Variants in LMBR1 observed in about 807,000 individuals in gnomAD.
The protein encoded by LMBR1 is limb development membrane protein 1, also known as limb region 1 protein homolog.
A neutral mutation model predicts 73.9 loss-of-function variants in LMBR1; 52 were observed. That is an observed-to-expected ratio of 0.70 (90% CI 0.56 to 0.89). LMBR1 has a LOEUF of 0.89. Among genes scored for constraint, LMBR1 ranks in the 40% least tolerant of loss-of-function variants. The pLI, the probability that LMBR1 is intolerant of heterozygous loss-of-function variation, is 0.00. For synonymous variants in LMBR1, 215 were observed against 209.4 expected, an observed-to-expected ratio of 1.03 and a Z score of -0.23; for missense variants, 539 against 579.8, an observed-to-expected ratio of 0.93 and a Z score of 0.72.
intron 15 of LMBR1, among the ~76,000 whole-genome samples, chr7:156,711,435 A>T (rs969199831): frequency 1.3e-5 from 2 of 152,196 alleles, no homozygotes; most frequent in African/African-American, 4.8e-5. Flanking sequence ...TACTGCAAAC[A>T]ATCTATAGAT....
chr7:156,745,156 T>C lies in LMBR1; in HGVS notation c.758-10899A>G, dbSNP rs73741520. ...TATTCTGACTACCACAAAGACTATT[T>C]CTTTTTTTGTTTGTCTATTAAGCTT... On this transcript the variant is annotated intron_variant, in intron 9 of 16. Transcript: ENST00000353442. Among the ~76,000 whole-genome samples, 152 of 152,356 alleles carry C rather than the reference T, an allele frequency of 1.0e-3. 1 individual carries two copies. The highest frequency in any genetic ancestry group is 3.6e-3 in the African/African-American group (148 of 41,584).
chr7:156,844,801 A>G (rs765873400), intron 1 of LMBR1, among the ~76,000 whole-genome samples: 2 of 152,182 alleles, frequency 1.3e-5, no homozygotes, highest in East Asian at 1.9e-4. Context: ...GCCCTGGAAG[A>G]AGGAGGCAGC....
In LMBR1 at chr7:156,680,403, A is replaced by AGAGAGAGAGAGTGTGTGTGTGTGT. The variant is rs1343950098; in HGVS notation, c.*3674_*3675insACACACACACACACTCTCTCTCTC. ...GAGAGAGAGAGAGAGAGAGAGAGAGAGTGTGTGTGTGTGTGTGTGTGTAAT... is the reference window on the plus strand; with the variant it reads ...GAGAGAGAGAGAGAGAGAGAGAGAGAGAGAGAGAGAGTGTGTGTGTGTGTGTGTGTGTGTGTGTGTGTGTGTAAT... On this transcript the variant is annotated 3_prime_UTR_variant, in exon 17 of 17. Transcript: ENST00000353442. The AGAGAGAGAGAGTGTGTGTGTGTGT allele has an allele frequency of 8.0e-6, 1 of 125,166 alleles. No individual in the cohort carries two copies. Among genetic ancestry groups the AGAGAGAGAGAGTGTGTGTGTGTGT allele is most frequent in the African/African-American group, 3.1e-5 (1 of 32,668 alleles). 7.8% of individuals were successfully genotyped at this position (125,166 alleles called of 1,614,324 possible). A position where few individuals can be genotyped will look rare whatever the true frequency, so the allele number is the denominator to read the frequency against.
intron 15 of LMBR1, among the ~76,000 whole-genome samples, chr7:156,688,606 C>T (rs1166605176): frequency 6.6e-6 from 1 of 152,032 alleles, no homozygotes; most frequent in African/African-American, 2.4e-5. Flanking sequence ...AACATCCTTA[C>T]ACCTCCTCTG....
At chr7:156,764,232 G>C (rs1168415233) in intron 5 of LMBR1, among the ~76,000 whole-genome samples, 1 of 152,160 alleles carries the variant, frequency 6.6e-6, no homozygotes, top group Admixed American at 6.6e-5. Context: ...ATGGACTCTG[G>C]TGCTCCTCAC....
chr7:156,736,415 C>T (rs1283297223), intron 9 of LMBR1: 1 of 420,304 alleles, frequency 2.4e-6, no homozygotes, highest in Non-Finnish European at 4.8e-6. Context: ...ACTTTCTATA[C>T]TACTTAAGTG....
intron 8 of LMBR1, 46 bp from the exon 9 acceptor site, chr7:156,756,511 G>A (rs993673946): frequency 1.2e-5 from 11 of 888,532 alleles, no homozygotes; most frequent in Admixed American, 8.4e-5. Context: ...GTTATAAAAC[G>A]AATGCTTATG....
At chr7:156,886,825 A>G (rs956943584) in intron 1 of LMBR1, among the ~76,000 whole-genome samples, 1 of 152,216 alleles carries the variant, frequency 6.6e-6, no homozygotes, top group African/African-American at 2.4e-5. Context: ...TTATTGCCAC[A>G]AAGAGTCTGT....
In LMBR1 at chr7:156,853,817, G is replaced by A. The variant is rs138197539; in HGVS notation, c.67-16932C>T. On this transcript the variant is annotated intron_variant, in intron 1 of 16. Transcript: ENST00000353442. ...ATTACAGGCACCTGCCACCACACCC[G>A]GCTAATTTTTGTATTTTTGGTAGAG... Among the ~76,000 whole-genome samples the A allele has an allele frequency of 3.8e-4, 57 of 151,920 alleles. No individual in the cohort carries two copies. The East Asian group carries it at 7.2e-3, about 19-fold the overall frequency.
chr7:156,675,614 T>C, downstream of LMBR1: 1 of 1,185,626 alleles, frequency 8.4e-7, no homozygotes, highest in Non-Finnish European at 1.2e-6. Flanking sequence ...GTTACCAAAA[T>C]AGATGGTCAG....
At chr7:156,818,149 A>G (rs2133712364) in intron 4 of LMBR1, among the ~76,000 whole-genome samples, 1 of 152,332 alleles carries the variant, frequency 6.6e-6, no homozygotes, top group Non-Finnish European at 1.5e-5. Flanking sequence ...AAGTAAATAT[A>G]ATATTTTCTT....
At position 156,680,504 on chromosome 7, in the gene LMBR1, T is replaced by C. The variant is rs185516224; in HGVS notation, c.*3574A>G. ...TCTGTCTGCCAGTAAATTAACCAGATGCTAACAGCATTTATTCTTCCAGGA... is the reference window on the plus strand; with the variant it reads ...TCTGTCTGCCAGTAAATTAACCAGACGCTAACAGCATTTATTCTTCCAGGA... On this transcript the variant is annotated 3_prime_UTR_variant, in exon 17 of 17. Coordinates refer to ENST00000353442, the MANE Select transcript of LMBR1 (RefSeq NM_022458.4). The C allele has an allele frequency of 5.2e-3, 786 of 152,342 alleles. 5 individuals carry two copies. Among genetic ancestry groups the C allele is most frequent in the Non-Finnish European group, 9.3e-3 (632 of 68,104 alleles). 9.4% of individuals were successfully genotyped at this position (152,342 alleles called of 1,614,324 possible). A position where few individuals can be genotyped will look rare whatever the true frequency, so the allele number is the denominator to read the frequency against.
At chr7:156,892,662 A>C in intron 1 of LMBR1, 17 of 236,536 alleles carry the variant, frequency 7.2e-5, no homozygotes, top group East Asian at 1.7e-4. Context: ...GCTCGAACGG[A>C]GGGAGCGCGA....
chr7:156,781,910 C>G (rs1326350636), intron 5 of LMBR1, among the ~76,000 whole-genome samples: 2 of 152,162 alleles, frequency 1.3e-5, no homozygotes, highest in African/African-American at 4.8e-5. Context: ...TGTTATGGTA[C>G]CATCACCACC....
chr7:156,761,743 G>A (rs1432421589), intron 8 of LMBR1, among the ~76,000 whole-genome samples: 11 of 152,060 alleles, frequency 7.2e-5, no homozygotes, highest in Admixed American at 1.3e-4. Flanking sequence ...TTGGGAGGCC[G>A]AGGTGGGCAG....
At chr7:156,792,649 C>T (rs943053033) in intron 5 of LMBR1, among the ~76,000 whole-genome samples, 1 of 152,188 alleles carries the variant, frequency 6.6e-6, no homozygotes, top group Non-Finnish European at 1.5e-5. Context: ...ACATAGTCAA[C>T]CCCCCAGGCC....
intron 15 of LMBR1, among the ~76,000 whole-genome samples, chr7:156,702,599 C>A (rs538919251): frequency 6.6e-6 from 1 of 152,028 alleles, no homozygotes; most frequent in Admixed American, 6.6e-5. Flanking sequence ...CTTTTGCTGA[C>A]ACAACCAATT....
At chr7:156,883,720 C>T (rs1217696911) in intron 1 of LMBR1, among the ~76,000 whole-genome samples, 1 of 152,084 alleles carries the variant, frequency 6.6e-6, no homozygotes, top group African/African-American at 2.4e-5. Context: ...TTCTGGAGGC[C>T]GCCCACACTC....
chr7:156,686,651 A>G (rs1350120138), intron 16 of LMBR1, among the ~76,000 whole-genome samples: 1 of 152,190 alleles, frequency 6.6e-6, no homozygotes, highest in Non-Finnish European at 1.5e-5. Flanking sequence ...AAGGCCTTTT[A>G]TATCAGGTTA....
Sources: gnomAD v4.1 joint callset for allele counts (sites outside exome capture counted in the v4.1 genomes callset) on GRCh38, gnomAD v4.1.1 for gene constraint, MANE v1.5 for transcripts, NCBI Gene and HGNC (gene_info 2026-07-23, HGNC 2026-07-21) for gene names.